The following TMEM117 variants were observed in gnomAD, a reference collection of about 807,000 sequenced individuals.
TMEM117 encodes transmembrane protein 117.
TMEM117 carries 27 observed loss-of-function variants against 52.4 expected under a neutral mutation model. The ratio of observed to expected loss-of-function variants is 0.51; its 90% CI spans 0.38 to 0.71. The LOEUF (loss-of-function observed/expected upper bound fraction) is 0.71. TMEM117 is among the 30% of genes least tolerant of loss of function. The probability of loss-of-function intolerance (pLI) is 0.00; values close to 1 mark genes in which losing one functional copy is unlikely to be tolerated. For synonymous variants in TMEM117, 215 were observed against 206.3 expected (o/e 1.04, Z -0.36); for missense variants, 556 against 630.5 (o/e 0.88, Z 1.26).
chr12:44,015,597 A>T (rs1377303546), intron 3 of TMEM117, among the ~76,000 whole-genome samples: 1 of 152,182 alleles, frequency 6.6e-6, no homozygotes, highest in Non-Finnish European at 1.5e-5. Flanking sequence ...GCCAGAATTT[A>T]GTTGTACAGG....
intron 3 of TMEM117, among the ~76,000 whole-genome samples, chr12:44,143,123 G>C (rs1159905420): frequency 1.3e-5 from 2 of 152,084 alleles, no homozygotes; most frequent in East Asian, 3.8e-4. Flanking sequence ...CAATTGTTTT[G>C]ATTTGATGGA....
intron 6 of TMEM117, among the ~76,000 whole-genome samples, chr12:44,345,288 T>A (rs538731859): frequency 3.9e-5 from 6 of 152,214 alleles, no homozygotes; most frequent in African/African-American, 1.2e-4. Flanking sequence ...TCTGAATTTC[T>A]GGTTATTTCA....
chr12:43,883,371 A>G (rs1445540066), intron 2 of TMEM117, among the ~76,000 whole-genome samples: 1 of 152,160 alleles, frequency 6.6e-6, no homozygotes, highest in African/African-American at 2.4e-5. Context: ...ATATCTCTTC[A>G]TCACCGCATT....
At chr12:43,818,746 A>G in the TMEM117 span, among the ~76,000 whole-genome samples, 2 of 152,200 alleles carry the variant, frequency 1.3e-5, no homozygotes, top group Admixed American at 1.3e-4. Flanking sequence ...CCTGGCCTGT[A>G]TCTGTTCTTT....
intron 5 of TMEM117, among the ~76,000 whole-genome samples, chr12:44,290,635 T>C (rs776057379): frequency 6.6e-6 from 1 of 152,092 alleles, no homozygotes; most frequent in Non-Finnish European, 1.5e-5. Context: ...ACCTCCAGTT[T>C]TGTTCTTTTT....
intron 6 of TMEM117, among the ~76,000 whole-genome samples, chr12:44,308,268 G>A (rs1218910781): frequency 1.3e-5 from 2 of 152,158 alleles, no homozygotes; most frequent in African/African-American, 4.8e-5. Context: ...CCATCCTGAA[G>A]CAGCAAGATA....
chr12:43,822,479 CTTTT>C, the TMEM117 span, among the ~76,000 whole-genome samples: 1 of 134,742 alleles, frequency 7.4e-6, no homozygotes. Flanking sequence ...CTTTAAATAT[CTTTT>C]TTTTTTTTTT....
At chr12:43,984,364 T>TAAC (rs3064367) in intron 3 of TMEM117, among the ~76,000 whole-genome samples, 89,054 of 145,906 alleles carry the variant, frequency 0.61, 28,417 homozygotes, top group East Asian at 0.75. Flanking sequence ...TGAGACTCCG[T>TAAC]AACAACAACA....
intron 3 of TMEM117, among the ~76,000 whole-genome samples, chr12:44,065,312 C>A (rs1436691824): frequency 6.6e-6 from 1 of 151,668 alleles, no homozygotes; most frequent in African/African-American, 2.4e-5. Flanking sequence ...TGCTTGAACC[C>A]AAGAGGCGGA....
intron 3 of TMEM117, among the ~76,000 whole-genome samples, chr12:43,970,722 TC>T (rs1292779932): frequency 1.5e-4 from 23 of 152,204 alleles, no homozygotes; most frequent in African/African-American, 5.3e-4. Context: ...GTTTCGGGCG[TC>T]CATTGGTGGA....
intron 2 of TMEM117, among the ~76,000 whole-genome samples, chr12:43,863,621 A>C (rs1943528661): frequency 6.6e-6 from 1 of 152,214 alleles, no homozygotes; most frequent in Non-Finnish European, 1.5e-5. Flanking sequence ...CCCAAATTTT[A>C]TGTATAAACT....
At chr12:43,822,351 C>T in the TMEM117 span, among the ~76,000 whole-genome samples, 8 of 152,092 alleles carry the variant, frequency 5.3e-5, no homozygotes, top group Admixed American at 1.3e-4. Flanking sequence ...TAAGTAAATT[C>T]GTATCATTTA....
At chr12:43,991,944 G>T (rs1051669760) in intron 3 of TMEM117, among the ~76,000 whole-genome samples, 4 of 152,054 alleles carry the variant, frequency 2.6e-5, no homozygotes, top group African/African-American at 9.7e-5. Flanking sequence ...CGGGTTGCTT[G>T]AGCCCAGGAG....
At chr12:44,096,804 G>A (rs1947772412) in intron 3 of TMEM117, among the ~76,000 whole-genome samples, 1 of 152,038 alleles carries the variant, frequency 6.6e-6, no homozygotes, top group Admixed American at 6.6e-5. Flanking sequence ...ATAGGCATGG[G>A]CAAGGACTTC....
chr12:44,365,653 A>G (rs1210448800), intron 6 of TMEM117, among the ~76,000 whole-genome samples: 1 of 152,080 alleles, frequency 6.6e-6, no homozygotes, highest in Non-Finnish European at 1.5e-5. Context: ...GACTAAATAT[A>G]TCAAATGCCT....
intron 2 of TMEM117, among the ~76,000 whole-genome samples, chr12:43,867,165 CATG>C (rs1267442187): frequency 1.3e-5 from 2 of 151,820 alleles, no homozygotes; most frequent in African/African-American, 2.4e-5. Flanking sequence ...GATTTTGTAA[CATG>C]ATACTATAAA....
intron 3 of TMEM117, among the ~76,000 whole-genome samples, chr12:44,008,130 A>C (rs1713788871): frequency 6.6e-6 from 1 of 152,184 alleles, no homozygotes; most frequent in Non-Finnish European, 1.5e-5. Context: ...CCTACAAAGA[A>C]ACAGATACCT....
In TMEM117 at chr12:44,279,515, CT is replaced by C. The variant is rs769225066; in HGVS notation, c.609-20049del. ...GTTTGCAATTTTCTTTTCTTTTCTT[CT>C]TTTTTTTTTTTTTTTGAGATGGAGT... On this transcript the variant is annotated intron_variant, in intron 5 of 7. Coordinates refer to ENST00000266534, the MANE Select transcript of TMEM117 (RefSeq NM_032256.3). Among the ~76,000 whole-genome samples the C allele has an allele frequency of 7.2e-3, 987 of 137,212 alleles. 9 individuals are homozygous for C. The highest frequency in any genetic ancestry group is 0.02 in the African/African-American group (740 of 37,338). 90.0% of individuals were successfully genotyped at this position (137,212 alleles called of 152,430 possible). A position where few individuals can be genotyped will look rare whatever the true frequency, so the allele number is the denominator to read the frequency against.
chr12:43,801,566 CTTGT>C, the TMEM117 span, among the ~76,000 whole-genome samples: 4 of 152,080 alleles, frequency 2.6e-5, no homozygotes, highest in Non-Finnish European at 5.9e-5. Context: ...TCCTAAAATA[CTTGT>C]TTGTATGCAG....
Sources: gnomAD v4.1 joint callset for allele counts (sites outside exome capture counted in the v4.1 genomes callset) on GRCh38, gnomAD v4.1.1 for gene constraint, MANE v1.5 for transcripts, NCBI Gene and HGNC (gene_info 2026-07-23, HGNC 2026-07-21) for gene names.